The following CPA4 variants were observed in gnomAD, a reference collection of about 807,000 sequenced individuals.
CPA4 encodes carboxypeptidase A3.
CPA4 carries 49 observed loss-of-function variants against 54.7 expected under a neutral mutation model. The observed-to-expected ratio is 0.90, with a 90% CI of 0.71 to 1.14. The LOEUF (loss-of-function observed/expected upper bound fraction) is 1.14. CPA4 is among the 50% of genes most tolerant of loss of function. CPA4 has a pLI of 0.00. For synonymous variants in CPA4, 215 were observed against 206.8 expected, an observed-to-expected ratio of 1.04 and a Z score of -0.34; for missense variants, 487 against 525.1, an observed-to-expected ratio of 0.93 and a Z score of 0.71.
chr7:130,313,674 G>A (rs1261754225), intron 10 of CPA4, among the ~76,000 whole-genome samples: 4 of 152,188 alleles, frequency 2.6e-5, no homozygotes, highest in African/African-American at 9.7e-5. Context: ...AAGGAATGAC[G>A]TGGATGGCCC....
intron 1 of CPA4, among the ~76,000 whole-genome samples, chr7:130,297,381 T>G (rs1451402254): frequency 6.6e-6 from 1 of 152,190 alleles, no homozygotes; most frequent in East Asian, 1.9e-4. Flanking sequence ...GGGTTCAGAC[T>G]GAGACCTGCC....
intron 1 of CPA4, among the ~76,000 whole-genome samples, chr7:130,296,675 C>T (rs1388377241): frequency 1.4e-5 from 1 of 73,126 alleles, no homozygotes; most frequent in Non-Finnish European, 3.1e-5. Context: ...AGCAGCTCCC[C>T]TCACTTTTTT....
intron 1 of CPA4, among the ~76,000 whole-genome samples, chr7:130,296,628 C>G (rs941097342): frequency 6.7e-6 from 1 of 149,678 alleles, no homozygotes; most frequent in Admixed American, 6.7e-5. Flanking sequence ...ACACGCTTAA[C>G]TGTGCTAATA....
At chr7:130,293,767 C>T (rs927353767) in intron 1 of CPA4, among the ~76,000 whole-genome samples, 3 of 152,164 alleles carry the variant, frequency 2.0e-5, no homozygotes, top group African/African-American at 7.2e-5. Flanking sequence ...CTGAGCTACA[C>T]CCTCTTCTGA....
At chr7:130,304,904 G>A (rs1171210839) in intron 5 of CPA4, among the ~76,000 whole-genome samples, 1 of 152,146 alleles carries the variant, frequency 6.6e-6, no homozygotes, top group African/African-American at 2.4e-5. Context: ...AGGTTGGGGT[G>A]GGCCTGACTT....
At chr7:130,297,952 C>T (rs568000523) in intron 1 of CPA4, among the ~76,000 whole-genome samples, 8 of 152,204 alleles carry the variant, frequency 5.3e-5, no homozygotes, top group Non-Finnish European at 1.2e-4. Flanking sequence ...AGCTAAATCA[C>T]GTATATGAAG....
At chr7:130,305,943 AG>A in intron 6 of CPA4, 23 bp downstream of exon 6, 1 of 1,587,036 alleles carries the variant, frequency 6.3e-7, no homozygotes, top group Non-Finnish European at 8.7e-7. Context: ...GGTATTAGCC[AG>A]GAATGCTGAT....
In CPA4 at chr7:130,306,752, A is replaced by G. The variant is rs1055787458; in HGVS notation, c.592-35A>G. ...TTCAGCCCTAATGGCCCATCCTGCCATGGGATAGCTGACAAGCATATTGTC... is the reference window on the plus strand; with the variant it reads ...TTCAGCCCTAATGGCCCATCCTGCCGTGGGATAGCTGACAAGCATATTGTC... On this transcript the variant is annotated intron_variant, in intron 6 of 10. Coordinates refer to ENST00000222482, the MANE Select transcript of CPA4 (RefSeq NM_016352.4). 10 of 1,286,144 alleles carry G rather than the reference A, an allele frequency of 7.8e-6. No individual in the cohort carries two copies. The African/African-American group carries it at 1.3e-4, about 17-fold the overall frequency. 79.7% of individuals were successfully genotyped at this position (1,286,144 alleles called of 1,614,324 possible).
intron 1 of CPA4, among the ~76,000 whole-genome samples, chr7:130,294,356 C>T (rs1440494850): frequency 1.3e-5 from 2 of 152,152 alleles, no homozygotes; most frequent in Non-Finnish European, 2.9e-5. Flanking sequence ...GAGGTAATTA[C>T]TTATATGAGA....
intron 5 of CPA4, among the ~76,000 whole-genome samples, chr7:130,304,896 G>A (rs937312068): frequency 1.3e-4 from 20 of 152,176 alleles, no homozygotes; most frequent in African/African-American, 4.6e-4. Flanking sequence ...AGCAGGACAG[G>A]TTGGGGTGGG....
rs1413694851 is a variant in CPA4, at chr7:130,319,263, A to C, written c.1079-3226A>C. Among the ~76,000 whole-genome samples the C allele has an allele frequency of 3.3e-5, 5 of 152,210 alleles. No individual in the cohort carries two copies. In the East Asian group the frequency reaches 9.6e-4, roughly 29 times the overall value. ...TTCTTTGGGTTCATCTGACTTGTGG[A>C]TAACACAGTTTCATGTACTTTTTGT... On this transcript the variant is annotated intron_variant, in intron 10 of 10. Transcript: ENST00000222482.
chr7:130,293,646 T>C (rs1222659363), intron 1 of CPA4: 1 of 205,472 alleles, frequency 4.9e-6, no homozygotes, highest in Non-Finnish European at 9.8e-6. Flanking sequence ...ATTTCCGCCA[T>C]GCATAAAGGG....
chr7:130,299,561 AG>A lies in CPA4; in HGVS notation c.285+159del, dbSNP rs1263634352. The stretch of plus-strand genomic sequence containing the variant: ...GAAGTAAAGTGCAGTGACTTGTTAG[AG>A]GAACAACATTTTGTAGTAGAAAGGG... On this transcript the variant is annotated intron_variant, in intron 3 of 10. Coordinates refer to ENST00000222482, the MANE Select transcript of CPA4 (RefSeq NM_016352.4). The A allele has an allele frequency of 1.7e-5, 11 of 645,318 alleles. No homozygotes were observed. In the South Asian group the frequency reaches 2.0e-4, roughly 12 times the overall value. The allele number at this position is 645,318 out of a possible 1,614,324, so 40.0% of individuals were successfully genotyped here. A position where few individuals can be genotyped will look rare whatever the true frequency, so the allele number is the denominator to read the frequency against.
At chr7:130,293,549 C>T (rs1458920547) in intron 1 of CPA4, 1 of 313,278 alleles carries the variant, frequency 3.2e-6, no homozygotes, top group African/African-American at 2.2e-5. Context: ...TTACTCCTAC[C>T]TTATTAATTA....
At chr7:130,307,862 T>G (rs2117147559) in intron 7 of CPA4, among the ~76,000 whole-genome samples, 1 of 152,310 alleles carries the variant, frequency 6.6e-6, no homozygotes, top group South Asian at 2.1e-4. Flanking sequence ...TGCCATTTAG[T>G]TTGTTCCTTT....
chr7:130,304,354 A>G (rs775304948), intron 4 of CPA4, 124 bp from the exon 5 acceptor site: 113 of 745,824 alleles, frequency 1.5e-4, no homozygotes, highest in South Asian at 6.5e-4. Context: ...TGCCGATAAT[A>G]TGGTCAATTC....
At chr7:130,309,691 G>T (rs1021924270) in intron 8 of CPA4, among the ~76,000 whole-genome samples, 1 of 152,184 alleles carries the variant, frequency 6.6e-6, no homozygotes, top group African/African-American at 2.4e-5. Flanking sequence ...ACAGAGTTCT[G>T]ATCTAAACTC....
At chr7:130,299,455 C>T in intron 3 of CPA4, 51 bp downstream of exon 3, 1 of 1,573,402 alleles carries the variant, frequency 6.4e-7, no homozygotes, top group East Asian at 2.2e-5. Flanking sequence ...ACCAGGCAGC[C>T]AGTCCAGAGT....
intron 10 of CPA4, among the ~76,000 whole-genome samples, chr7:130,315,256 G>C (rs1584753862): frequency 6.6e-6 from 1 of 152,090 alleles, no homozygotes. Context: ...AGAGGGGTTG[G>C]TGGAGGCAGG....
Sources: gnomAD v4.1 joint callset for allele counts (sites outside exome capture counted in the v4.1 genomes callset) on GRCh38, gnomAD v4.1.1 for gene constraint, MANE v1.5 for transcripts, NCBI Gene and HGNC (gene_info 2026-07-23, HGNC 2026-07-21) for gene names.